Variants in MGAT4C observed in about 807,000 individuals in gnomAD.
MGAT4C encodes MGAT4 family member C.
A neutral mutation model predicts 40.1 loss-of-function variants in MGAT4C; 19 were observed. The ratio of observed to expected loss-of-function variants is 0.47; its 90% CI spans 0.33 to 0.70. MGAT4C has a LOEUF of 0.70. MGAT4C is among the 30% of genes least tolerant of loss of function. The pLI is 0.02. For synonymous variants in MGAT4C, 181 were observed against 187.1 expected (o/e 0.97, Z 0.27); for missense variants, 491 against 563.2 (o/e 0.87, Z 1.30).
intron 3 of MGAT4C, among the ~76,000 whole-genome samples, chr12:86,393,120 T>C (rs1036955241): frequency 6.6e-6 from 1 of 152,130 alleles, no homozygotes; most frequent in Non-Finnish European, 1.5e-5. Context: ...CTAAAAATAC[T>C]TATTTAACTT....
chr12:86,187,567 T>C (rs968781479), intron 1 of MGAT4C, among the ~76,000 whole-genome samples: 1 of 148,252 alleles, frequency 6.7e-6, no homozygotes, highest in East Asian at 1.9e-4. Flanking sequence ...TAATAAATCT[T>C]TCCTTTTAGA....
intron 2 of MGAT4C, among the ~76,000 whole-genome samples, chr12:86,465,735 G>T (rs1458447655): frequency 2.6e-5 from 4 of 152,164 alleles, no homozygotes; most frequent in African/African-American, 9.7e-5. Flanking sequence ...AACACTAAAT[G>T]CTGGCAAGGA....
intron 2 of MGAT4C, among the ~76,000 whole-genome samples, chr12:86,674,780 T>C (rs1964349500): frequency 6.6e-6 from 1 of 152,184 alleles, no homozygotes; most frequent in African/African-American, 2.4e-5. Flanking sequence ...ACATGTTTAT[T>C]TTATAGATTG....
intron 2 of MGAT4C, among the ~76,000 whole-genome samples, chr12:86,592,927 T>C (rs1001194242): frequency 2.0e-5 from 3 of 152,302 alleles, no homozygotes; most frequent in East Asian, 3.9e-4. Flanking sequence ...AAAAGTTGCA[T>C]AGCAGTCATT....
At chr12:86,024,809 T>C (rs1890103119) in intron 2 of MGAT4C, among the ~76,000 whole-genome samples, 1 of 151,872 alleles carries the variant, frequency 6.6e-6, no homozygotes, top group Non-Finnish European at 1.5e-5. Context: ...TAGGGACATT[T>C]ATAGTAATGG....
At chr12:86,223,079 C>G (rs569503175) in intron 1 of MGAT4C, among the ~76,000 whole-genome samples, 2 of 152,196 alleles carry the variant, frequency 1.3e-5, no homozygotes, top group African/African-American at 4.8e-5. Flanking sequence ...GAACCCTGAG[C>G]AGGTGCACCT....
intron 2 of MGAT4C, among the ~76,000 whole-genome samples, chr12:86,671,106 T>G (rs1964245949): frequency 6.6e-6 from 1 of 152,274 alleles, no homozygotes; most frequent in South Asian, 2.1e-4. Context: ...CTACGCATGA[T>G]GTTAACATCG....
At chr12:86,744,135 A>G (rs1951115882) in intron 1 of MGAT4C, among the ~76,000 whole-genome samples, 2 of 151,522 alleles carry the variant, frequency 1.3e-5, no homozygotes, top group Admixed American at 6.6e-5. Context: ...CAACTACAAG[A>G]GAGTACTGCT....
chr12:86,138,300 G>A (rs780424872), intron 1 of MGAT4C, among the ~76,000 whole-genome samples: 6 of 149,826 alleles, frequency 4.0e-5, no homozygotes, highest in Admixed American at 6.7e-5. Context: ...TATGACTAAT[G>A]TTACAATCAT....
At chr12:86,766,130 G>A (rs375761854) in intron 1 of MGAT4C, among the ~76,000 whole-genome samples, 5 of 152,012 alleles carry the variant, frequency 3.3e-5, no homozygotes, top group Admixed American at 6.6e-5. Flanking sequence ...CCCATCTCAC[G>A]TGCAGAGACA....
chr12:86,069,405 T>C (rs61931137), intron 1 of MGAT4C, among the ~76,000 whole-genome samples: 1,930 of 152,250 alleles, frequency 0.013, 18 homozygotes, highest in Non-Finnish European at 0.021. Context: ...CACTCCAAGC[T>C]AACAGTAAAT....
chr12:86,206,793 G>A (rs1324427812), intron 1 of MGAT4C, among the ~76,000 whole-genome samples: 1 of 151,966 alleles, frequency 6.6e-6, no homozygotes, highest in Non-Finnish European at 1.5e-5. Context: ...GTTTCATATC[G>A]GCATATCCCA....
intron 2 of MGAT4C, among the ~76,000 whole-genome samples, chr12:86,617,230 AT>A (rs1239107438): frequency 1.3e-5 from 2 of 152,142 alleles, no homozygotes; most frequent in Non-Finnish European, 2.9e-5. Context: ...GTTTCACGTA[AT>A]TTTTTAGATA....
intron 2 of MGAT4C, among the ~76,000 whole-genome samples, chr12:85,994,340 A>C (rs1292028054): frequency 1.3e-5 from 2 of 152,230 alleles, no homozygotes; most frequent in Non-Finnish European, 2.9e-5. Flanking sequence ...GTATACCCCC[A>C]GAGTAACTAT....
At chr12:86,408,843 G>C (rs78100520) in intron 3 of MGAT4C, among the ~76,000 whole-genome samples, 1 of 151,778 alleles carries the variant, frequency 6.6e-6, no homozygotes, top group South Asian at 2.1e-4. Context: ...CTATTCCCTT[G>C]TTCATTTTTA....
intron 2 of MGAT4C, among the ~76,000 whole-genome samples, chr12:86,009,613 C>T (rs140325616): frequency 1.6e-4 from 25 of 152,264 alleles, no homozygotes; most frequent in African/African-American, 5.5e-4. Flanking sequence ...GAATCACTGC[C>T]TTGTTCTGCC....
At chr12:86,707,609 C>T (rs1010513645) in intron 2 of MGAT4C, among the ~76,000 whole-genome samples, 2 of 151,546 alleles carry the variant, frequency 1.3e-5, no homozygotes, top group Non-Finnish European at 2.9e-5. Flanking sequence ...CAGCTCACTG[C>T]AACCTCCGCC....
At chr12:86,758,238 C>A (rs1565968994) in intron 1 of MGAT4C, among the ~76,000 whole-genome samples, 1 of 151,946 alleles carries the variant, frequency 6.6e-6, no homozygotes, top group Non-Finnish European at 1.5e-5. Flanking sequence ...CAATCATATA[C>A]CACTAAAGGT....
At position 85,973,128 on chromosome 12, in the gene MGAT4C, T is replaced by C. The variant is rs1883710421; in HGVS notation, c.*6161A>G. The C allele has an allele frequency of 7.2e-6, 1 of 138,824 alleles. No individual in the cohort carries two copies. Among genetic ancestry groups the C allele is most frequent in the African/African-American group, 2.5e-5 (1 of 40,322 alleles). The allele number at this position is 138,824 out of a possible 1,614,324, so 8.6% of individuals were successfully genotyped here. On this transcript the variant is annotated 3_prime_UTR_variant, in exon 5 of 5. Coordinates refer to ENST00000611864, the MANE Select transcript of MGAT4C (RefSeq NM_001351288.2). ...TTGAGATATGTGGAACTGCCACATA[T>C]CTCTGTGCCATACTTTTGGTACCTT...
Sources: allele counts gnomAD v4.1 joint callset (sites outside exome capture counted in the v4.1 genomes callset), GRCh38; gene constraint gnomAD v4.1.1; transcripts MANE v1.5; gene names NCBI Gene and HGNC (gene_info 2026-07-23, HGNC 2026-07-21).